SHANK2: variants seen among roughly 807,000 people sequenced by gnomAD.
The protein encoded by SHANK2 is SH3 and multiple ankyrin repeat domains protein 2.
Under a neutral mutation model 133.7 loss-of-function variants are expected in SHANK2, and 43 were observed. That is an observed-to-expected ratio of 0.32 (90% CI 0.25 to 0.41). The LOEUF (loss-of-function observed/expected upper bound fraction) is 0.41. Among genes scored for constraint, SHANK2 ranks in the 10% least tolerant of loss-of-function variants. SHANK2 has a pLI of 1.00. For missense variants in SHANK2, 1,994 were observed against 2,235.8 expected (o/e 0.89, Z 2.18); for synonymous variants, 1,017 against 952.8 (o/e 1.07, Z -1.24).
At chr11:70,914,253 G>A (rs1371862780) in intron 10 of SHANK2, among the ~76,000 whole-genome samples, 2 of 152,090 alleles carry the variant, frequency 1.3e-5, no homozygotes, top group African/African-American at 2.4e-5. Flanking sequence ...TGTGCAATGG[G>A]GTTCCGCTGA....
chr11:71,155,619 A>G (rs1283921333), intron 2 of SHANK2, among the ~76,000 whole-genome samples: 1 of 151,908 alleles, frequency 6.6e-6, no homozygotes, highest in Non-Finnish European at 1.5e-5. Flanking sequence ...TCAGTCTAGC[A>G]CCACCTCTTC....
At chr11:70,528,564 C>T (rs558330602) in intron 17 of SHANK2, among the ~76,000 whole-genome samples, 5 of 152,198 alleles carry the variant, frequency 3.3e-5, no homozygotes, top group African/African-American at 4.8e-5. Flanking sequence ...GTGGGGGCAG[C>T]AGAGCTCCAT....
intron 2 of SHANK2, among the ~76,000 whole-genome samples, chr11:71,223,739 T>G (rs1954595644): frequency 6.6e-6 from 1 of 152,166 alleles, no homozygotes; most frequent in African/African-American, 2.4e-5. Flanking sequence ...TGACGCAGCT[T>G]CTTGGGCAGG....
chr11:70,745,964 A>G (rs1167358266), intron 14 of SHANK2, among the ~76,000 whole-genome samples: 1 of 152,222 alleles, frequency 6.6e-6, no homozygotes, highest in Non-Finnish European at 1.5e-5. Flanking sequence ...CATTTACGGA[A>G]AAGAAGGCAG....
intron 11 of SHANK2, among the ~76,000 whole-genome samples, chr11:70,881,936 T>A (rs926153221): frequency 1.3e-5 from 2 of 152,044 alleles, no homozygotes; most frequent in Non-Finnish European, 2.9e-5. Flanking sequence ...GGTCTCAAAC[T>A]CCTGGCCTCA....
At chr11:70,817,644 A>G (rs1456057051) in intron 12 of SHANK2, among the ~76,000 whole-genome samples, 7 of 152,186 alleles carry the variant, frequency 4.6e-5, no homozygotes, top group African/African-American at 1.7e-4. Context: ...CTAAGAACCA[A>G]TGTGGAATGC....
At chr11:71,139,492 T>TA (rs1231099504) in intron 3 of SHANK2, among the ~76,000 whole-genome samples, 1 of 151,856 alleles carries the variant, frequency 6.6e-6, no homozygotes, top group Admixed American at 6.6e-5. Flanking sequence ...CCCTAAAACT[T>TA]AAAGTATAAT....
chr11:70,512,968 C>T (rs1554969506), intron 17 of SHANK2, among the ~76,000 whole-genome samples: 1 of 149,812 alleles, frequency 6.7e-6, no homozygotes, highest in African/African-American at 2.4e-5. Flanking sequence ...AAAGTAAATT[C>T]CTAAGACTAA....
intron 11 of SHANK2, among the ~76,000 whole-genome samples, chr11:70,842,348 A>C (rs1021219705): frequency 1.3e-5 from 2 of 152,178 alleles, no homozygotes; most frequent in East Asian, 3.9e-4. Context: ...ACCTTTCTGC[A>C]GCACCATGGT....
chr11:70,924,467 T>A (rs2135774131), intron 10 of SHANK2, among the ~76,000 whole-genome samples: 1 of 152,006 alleles, frequency 6.6e-6, no homozygotes, highest in East Asian at 1.9e-4. Flanking sequence ...TTAAAAATTT[T>A]TATTTTTAAG....
chr11:71,234,901 C>T (rs1471522145), intron 1 of SHANK2, among the ~76,000 whole-genome samples: 5 of 152,150 alleles, frequency 3.3e-5, no homozygotes, highest in Non-Finnish European at 7.3e-5. Context: ...CACAACAGCA[C>T]ATTTTACAAC....
chr11:70,758,337 C>A (rs1289962588), intron 14 of SHANK2, among the ~76,000 whole-genome samples: 1 of 152,068 alleles, frequency 6.6e-6, no homozygotes, highest in Non-Finnish European at 1.5e-5. Context: ...AGCTTTCGCT[C>A]GCCATCCACC....
chr11:70,563,958 G>T (rs1431574914), intron 17 of SHANK2, among the ~76,000 whole-genome samples: 1 of 152,116 alleles, frequency 6.6e-6, no homozygotes, highest in Non-Finnish European at 1.5e-5. Context: ...ATACTGTAAA[G>T]GTATTTGTCC....
intron 14 of SHANK2, among the ~76,000 whole-genome samples, chr11:70,764,418 T>C (rs145159182): frequency 1.4e-5 from 2 of 146,820 alleles, no homozygotes; most frequent in African/African-American, 5.1e-5. Flanking sequence ...CACCCATCCA[T>C]CCACCCACCC....
intron 11 of SHANK2, among the ~76,000 whole-genome samples, chr11:70,858,517 A>G (rs1186825533): frequency 6.6e-6 from 1 of 152,230 alleles, no homozygotes; most frequent in Non-Finnish European, 1.5e-5. Flanking sequence ...ATGGCTCTCC[A>G]GTCTCATGCC....
chr11:71,071,456 T>C (rs1208335470), intron 9 of SHANK2, among the ~76,000 whole-genome samples: 1 of 152,228 alleles, frequency 6.6e-6, no homozygotes, highest in East Asian at 1.9e-4. Context: ...CCACACGTGC[T>C]TCCTCTCAGG....
At chr11:71,118,547 C>G (rs1473207438) in intron 4 of SHANK2, among the ~76,000 whole-genome samples, 1 of 151,608 alleles carries the variant, frequency 6.6e-6, no homozygotes, top group Non-Finnish European at 1.5e-5. Context: ...ATCATGAGAA[C>G]AGCATGGGAA....
Position 70,820,628 on chromosome 11 carries a change from G to C in SHANK2, c.1229C>G (p.Thr410Arg), listed in dbSNP as rs532499001. 1 of 711,206 alleles carries C rather than the reference G, an allele frequency of 1.4e-6. No homozygotes were observed. The highest frequency in any genetic ancestry group is 2.0e-5 in the Admixed American group (1 of 49,398). 44.1% of individuals were successfully genotyped at this position (711,206 alleles called of 1,614,324 possible). Reference protein sequence around the residue: ...YSNRRRRPPNTLAAPRVLLRS... With the variant: ...YSNRRRRPPNRLAAPRVLLRS... ...CAGCAGGACCCGGGGGGCGGCCAGC[G>C]TGTTGGGGGGCCGCCGCCGGCGGTT... Residue 410 changes from threonine (T) to arginine (R), a missense_variant, in exon 12 of 26, where the codon ACG becomes AGG. This residue lies in a region of SHANK2 where 653 missense variants were observed against 563.4 expected (regional missense o/e 1.16). Transcript: ENST00000601538.
intron 6 of SHANK2, among the ~76,000 whole-genome samples, chr11:71,096,854 G>A (rs898351693): frequency 6.6e-6 from 1 of 152,172 alleles, no homozygotes; most frequent in African/African-American, 2.4e-5. Flanking sequence ...TTTTATAAAT[G>A]AGAATGCTGT....
Sources: allele counts gnomAD v4.1 joint callset (sites outside exome capture counted in the v4.1 genomes callset), GRCh38; gene constraint gnomAD v4.1.1; regional missense constraint gnomAD v4.1.1; transcripts MANE v1.5; gene names NCBI Gene and HGNC (gene_info 2026-07-23, HGNC 2026-07-21).